The following PRKCZ variants were observed in gnomAD, a reference collection of about 807,000 sequenced individuals.
The protein encoded by PRKCZ is protein kinase C zeta type.
PRKCZ carries 33 observed loss-of-function variants against 79.5 expected under a neutral mutation model. The ratio of observed to expected loss-of-function variants is 0.41; its 90% CI spans 0.31 to 0.55. The LOEUF (loss-of-function observed/expected upper bound fraction) is 0.55. PRKCZ is among the 20% of genes least tolerant of loss of function. The pLI is 0.19. For synonymous variants in PRKCZ, 342 were observed against 320.9 expected (o/e 1.07, Z -0.70); for missense variants, 578 against 813.5 (o/e 0.71, Z 3.52).
chr1:2,069,905 C>T (rs1661427913), intron 4 of PRKCZ, among the ~76,000 whole-genome samples: 2 of 152,172 alleles, frequency 1.3e-5, no homozygotes, highest in Admixed American at 6.5e-5. Flanking sequence ...GGGTGGTCCC[C>T]AGTCAGGCCC....
At chr1:2,057,298 C>T (rs969714478) in intron 3 of PRKCZ, among the ~76,000 whole-genome samples, 1 of 152,176 alleles carries the variant, frequency 6.6e-6, no homozygotes, top group Non-Finnish European at 1.5e-5. Flanking sequence ...GGCGTGGGCT[C>T]CTCCCCGGTA....
intron 4 of PRKCZ, among the ~76,000 whole-genome samples, chr1:2,112,069 C>G (rs114875704): frequency 4.5e-4 from 69 of 152,316 alleles, no homozygotes; most frequent in African/African-American, 1.6e-3. Context: ...CTCCCAAACT[C>G]CAAGTGTTTC....
intron 10 of PRKCZ, among the ~76,000 whole-genome samples, chr1:2,160,238 C>CCT (rs1553169584): frequency 6.8e-6 from 1 of 146,374 alleles, no homozygotes; most frequent in Non-Finnish European, 1.5e-5. Flanking sequence ...CAGCAGTGTG[C>CCT]GTGTGTGTGT....
At chr1:2,113,431 C>T (rs1392398159) in intron 4 of PRKCZ, among the ~76,000 whole-genome samples, 1 of 152,044 alleles carries the variant, frequency 6.6e-6, no homozygotes, top group Non-Finnish European at 1.5e-5. Context: ...TATTTTCTGC[C>T]CGAGTTCGCT....
At chr1:2,054,129 T>C (rs2102203842) in intron 1 of PRKCZ, among the ~76,000 whole-genome samples, 1 of 152,328 alleles carries the variant, frequency 6.6e-6, no homozygotes, top group African/African-American at 2.4e-5. Context: ...ACTTTGTTTC[T>C]TGAAACTTGT....
Position 2,059,920 on chromosome 1 carries a change from C to T in PRKCZ, c.334+329C>T, listed in dbSNP as rs114994614. ...GTGGCTGCCTCAGCTCACGACCACC[C>T]CTAGGCCAGTCGTCTGCTCCTCCTG... On this transcript the variant is annotated intron_variant, in intron 4 of 17. Coordinates refer to ENST00000378567, the MANE Select transcript of PRKCZ (RefSeq NM_002744.6). 3.7e-3 allele frequency among the ~76,000 whole-genome samples: 564 copies of T among 152,294 alleles called. 4 individuals are homozygous for T. The highest frequency in any genetic ancestry group is 0.013 in the African/African-American group (536 of 41,582).
intron 5 of PRKCZ, 91 bp from the exon 6 acceptor site, chr1:2,144,119 T>G: frequency 1.4e-6 from 2 of 1,477,720 alleles, no homozygotes; most frequent in Non-Finnish European, 1.8e-6. Context: ...AGTGTCCTCT[T>G]TTGAGAAGGT....
chr1:2,055,658 G>A, intron 2 of PRKCZ, 96 bp downstream of exon 2: 1 of 1,488,954 alleles, frequency 6.7e-7, no homozygotes, highest in Non-Finnish European at 9.0e-7. Flanking sequence ...ATTCTGTGGG[G>A]AGACTTAAAG....
chr1:2,138,067 C>T (rs999408990), intron 5 of PRKCZ, among the ~76,000 whole-genome samples: 2 of 152,206 alleles, frequency 1.3e-5, no homozygotes, highest in East Asian at 1.9e-4. Flanking sequence ...ACCTCAGAGC[C>T]GCTCCATGTA....
rs770990023 is a variant in PRKCZ, at chr1:2,185,013, C to T, written c.*4C>T. ...GTCCACCGAGGAGTCGGTGTGAGGCCGCGTGCGTCTCTGTCGTGGACACGC... is the reference window on the plus strand; with the variant it reads ...GTCCACCGAGGAGTCGGTGTGAGGCTGCGTGCGTCTCTGTCGTGGACACGC... On this transcript the variant is annotated 3_prime_UTR_variant, in exon 18 of 18. Coordinates refer to ENST00000378567, the MANE Select transcript of PRKCZ (RefSeq NM_002744.6). 2.7e-5 allele frequency: 43 copies of T among 1,609,762 alleles called. No individual in the cohort carries two copies. The East Asian group carries it at 3.3e-4, about 13-fold the overall frequency.
intron 16 of PRKCZ, chr1:2,182,360 C>G (rs1307263749): frequency 6.3e-6 from 1 of 158,304 alleles, no homozygotes; most frequent in Non-Finnish European, 1.4e-5. Flanking sequence ...AGGCAGAAAC[C>G]TGCCAATTCC....
At chr1:2,105,613 C>T (rs1169347425) in intron 4 of PRKCZ, among the ~76,000 whole-genome samples, 8 of 152,054 alleles carry the variant, frequency 5.3e-5, no homozygotes, top group African/African-American at 1.7e-4. Context: ...TTGGCCAGGC[C>T]GGTCTCAAAC....
chr1:2,134,605 A>G (rs1675781364), intron 4 of PRKCZ, among the ~76,000 whole-genome samples: 1 of 152,070 alleles, frequency 6.6e-6, no homozygotes, highest in Non-Finnish European at 1.5e-5. Context: ...TATAAAGATG[A>G]TGTTTTTGGT....
intron 4 of PRKCZ, among the ~76,000 whole-genome samples, chr1:2,068,206 C>T (rs1391955836): frequency 1.3e-5 from 2 of 152,238 alleles, no homozygotes; most frequent in East Asian, 1.9e-4. Context: ...GGGAGAGCAT[C>T]GCTAGGGAGG....
chr1:2,142,867 G>A (rs778482834), intron 5 of PRKCZ: 25 of 152,996 alleles, frequency 1.6e-4, no homozygotes, highest in Middle Eastern at 3.4e-3. Context: ...GGAGAGTCCC[G>A]TAGAGGGTCT....
At chr1:2,156,406 T>A in intron 10 of PRKCZ, 2 of 281,450 alleles carry the variant, frequency 7.1e-6, no homozygotes, top group Non-Finnish European at 1.4e-5. Flanking sequence ...TATTAAAATA[T>A]GTACAGCTTC....
chr1:2,103,385 A>G (rs1357353844), intron 4 of PRKCZ, among the ~76,000 whole-genome samples: 2 of 151,052 alleles, frequency 1.3e-5, no homozygotes, highest in Admixed American at 1.3e-4. Context: ...TATCAGTTCA[A>G]GACACAGTTA....
intron 10 of PRKCZ, among the ~76,000 whole-genome samples, chr1:2,157,913 C>T (rs1055822573): frequency 4.6e-5 from 7 of 152,092 alleles, no homozygotes; most frequent in Middle Eastern, 3.4e-3. Flanking sequence ...CAGCTCCGGG[C>T]CAGCTTTGCG....
At chr1:2,072,901 C>T (rs1471293859) in intron 4 of PRKCZ, among the ~76,000 whole-genome samples, 1 of 152,054 alleles carries the variant, frequency 6.6e-6, no homozygotes, top group African/African-American at 2.4e-5. Flanking sequence ...GCACGAGTGC[C>T]GAGTGCGTTT....
Sources: allele counts gnomAD v4.1 joint callset (sites outside exome capture counted in the v4.1 genomes callset), GRCh38; gene constraint gnomAD v4.1.1; transcripts MANE v1.5; gene names NCBI Gene and HGNC (gene_info 2026-07-23, HGNC 2026-07-21).